Variants in ADGRB3 observed in about 807,000 individuals in gnomAD.
The protein encoded by ADGRB3 is adhesion G protein-coupled receptor B3.
In ADGRB3, 37 loss-of-function variants were observed where a neutral mutation model predicts 193.4. The ratio of observed to expected loss-of-function variants is 0.19; its 90% CI spans 0.15 to 0.25. The LOEUF is 0.25. Ranked by LOEUF, ADGRB3 falls within the 10% of genes least tolerant of loss-of-function variation. The probability of loss-of-function intolerance (pLI) is 1.00; values close to 1 mark genes in which losing one functional copy is unlikely to be tolerated. For synonymous variants in ADGRB3, 690 were observed against 644.2 expected (o/e 1.07, Z -1.08); for missense variants, 1,637 against 1,852.9 (o/e 0.88, Z 2.14).
At chr6:69,150,687 C>CT (rs1440410301) in intron 17 of ADGRB3, among the ~76,000 whole-genome samples, 1 of 152,270 alleles carries the variant, frequency 6.6e-6, no homozygotes, top group East Asian at 1.9e-4. Flanking sequence ...GGAGGCTTTC[C>CT]TTGTACCCAC....
intron 17 of ADGRB3, among the ~76,000 whole-genome samples, chr6:69,126,163 T>G (rs542989762): frequency 6.6e-6 from 1 of 152,266 alleles, no homozygotes; most frequent in African/African-American, 2.4e-5. Context: ...TTCCCTTCCT[T>G]CTTGTATTAG....
chr6:69,098,232 C>G (rs1216593063), intron 17 of ADGRB3, among the ~76,000 whole-genome samples: 1 of 152,212 alleles, frequency 6.6e-6, no homozygotes, highest in Non-Finnish European at 1.5e-5. Flanking sequence ...GCCATTGCAC[C>G]TGGCCCTGTT....
At chr6:69,368,799 C>T (rs1029106235) in intron 29 of ADGRB3, among the ~76,000 whole-genome samples, 1 of 151,962 alleles carries the variant, frequency 6.6e-6, no homozygotes, top group African/African-American at 2.4e-5. Flanking sequence ...AGAAAATTGA[C>T]CTTGGAATTT....
chr6:69,080,414 A>C (rs763304208), intron 17 of ADGRB3, among the ~76,000 whole-genome samples: 3 of 152,072 alleles, frequency 2.0e-5, no homozygotes, highest in Non-Finnish European at 4.4e-5. Flanking sequence ...CTCTGTTCAA[A>C]CTGGGATAGA....
At chr6:69,192,328 G>T (rs1052167050) in intron 17 of ADGRB3, among the ~76,000 whole-genome samples, 4 of 152,120 alleles carry the variant, frequency 2.6e-5, no homozygotes, top group East Asian at 1.9e-4. Context: ...AAAGATGCAG[G>T]CTGGGAGACT....
At chr6:69,187,166 T>A (rs1198107037) in intron 17 of ADGRB3, among the ~76,000 whole-genome samples, 1 of 152,138 alleles carries the variant, frequency 6.6e-6, no homozygotes, top group Non-Finnish European at 1.5e-5. Context: ...TATGTTTGTG[T>A]CCATGGGAGA....
chr6:68,857,382 C>A (rs1322464607), intron 3 of ADGRB3, among the ~76,000 whole-genome samples: 2 of 152,206 alleles, frequency 1.3e-5, no homozygotes, highest in African/African-American at 4.8e-5. Flanking sequence ...CCCTGCAAAA[C>A]CACAGGAGCA....
At chr6:68,663,863 G>A (rs1334209470) in intron 3 of ADGRB3, among the ~76,000 whole-genome samples, 1 of 151,742 alleles carries the variant, frequency 6.6e-6, no homozygotes, top group African/African-American at 2.4e-5. Flanking sequence ...ATTTTAGCGT[G>A]CTACACATTG....
At chr6:69,059,530 C>T (rs955369966) in intron 15 of ADGRB3, among the ~76,000 whole-genome samples, 3 of 152,202 alleles carry the variant, frequency 2.0e-5, no homozygotes, top group South Asian at 2.1e-4. Flanking sequence ...TATATATCAA[C>T]GAGCATAAAT....
chr6:68,778,964 A>G (rs1312380650), intron 3 of ADGRB3, among the ~76,000 whole-genome samples: 2 of 152,058 alleles, frequency 1.3e-5, no homozygotes, highest in Non-Finnish European at 2.9e-5. Flanking sequence ...GCCAATGGTA[A>G]TGCAGCAAAC....
At chr6:69,337,224 T>A (rs764322279) in intron 24 of ADGRB3, among the ~76,000 whole-genome samples, 1 of 152,198 alleles carries the variant, frequency 6.6e-6, no homozygotes, top group Non-Finnish European at 1.5e-5. Context: ...GAAAGACAAC[T>A]GCATCAGTGT....
In ADGRB3 at chr6:69,382,787, A is replaced by G. The variant is rs200326346; in HGVS notation, c.4276-44A>G. On this transcript the variant is annotated intron_variant, in intron 30 of 31. Coordinates refer to ENST00000370598, the MANE Select transcript of ADGRB3 (RefSeq NM_001704.3). ...ATTAAATCTCTCTTGTTTGAAAAACATACATCAAGTTGGGGATGAGAGCTA... is the reference window on the plus strand; with the variant it reads ...ATTAAATCTCTCTTGTTTGAAAAACGTACATCAAGTTGGGGATGAGAGCTA... The G allele has an allele frequency of 1.4e-4, 198 of 1,373,192 alleles. No homozygotes were observed. In the African/African-American group the frequency reaches 2.5e-3, roughly 18 times the overall value. 85.1% of individuals were successfully genotyped at this position (1,373,192 alleles called of 1,614,324 possible). A position where few individuals can be genotyped will look rare whatever the true frequency, so the allele number is the denominator to read the frequency against.
In ADGRB3 at chr6:68,993,870, G is replaced by A. The variant is rs1240660215; in HGVS notation, c.1837G>A (p.Ala613Thr). ...LDLTQRKNFYAGDLLMSVEIL... is the reference protein window; with the variant it reads ...LDLTQRKNFYTGDLLMSVEIL... Reference sequence around the variant, plus strand: ...TTTAACTCAGAGAAAAAATTTCTATGCAGGCGATCTTCTGATGTCTGTGGA... The same window carrying A: ...TTTAACTCAGAGAAAAAATTTCTATACAGGCGATCTTCTGATGTCTGTGGA... Residue 613 changes from alanine to threonine, a missense_variant, in exon 11 of 32, where the codon GCA becomes ACA. Physicochemically the swap from Ala to Thr is moderately conservative, Grantham distance 58. This residue lies in a region of ADGRB3 where 641 missense variants were observed against 673.9 expected (regional missense o/e 0.95). Transcript: ENST00000370598. 4 of 1,613,968 alleles carry A rather than the reference G, an allele frequency of 2.5e-6. No homozygotes were observed. The highest frequency in any genetic ancestry group is 3.4e-6 in the Non-Finnish European group (4 of 1,179,888).
chr6:68,871,094 A>C (rs1765443366), intron 3 of ADGRB3, among the ~76,000 whole-genome samples: 1 of 152,190 alleles, frequency 6.6e-6, no homozygotes, highest in African/African-American at 2.4e-5. Flanking sequence ...ACTAAGGCGG[A>C]TGGAAAAGTC....
At chr6:68,886,171 T>C (rs1358487091) in intron 3 of ADGRB3, among the ~76,000 whole-genome samples, 2 of 152,110 alleles carry the variant, frequency 1.3e-5, no homozygotes, top group Non-Finnish European at 2.9e-5. Context: ...AGTACCTGTA[T>C]CTCCACTGTT....
intron 17 of ADGRB3, among the ~76,000 whole-genome samples, chr6:69,184,771 T>A (rs894783998): frequency 6.6e-5 from 10 of 152,094 alleles, no homozygotes; most frequent in Admixed American, 2.6e-4. Context: ...ATAAAAATGC[T>A]CTGAAAAAAT....
chr6:68,883,713 A>C (rs1434842751), intron 3 of ADGRB3, among the ~76,000 whole-genome samples: 7 of 152,056 alleles, frequency 4.6e-5, no homozygotes, highest in Non-Finnish European at 8.8e-5. Context: ...GAAGGAAGAA[A>C]CTCTGAACAT....
rs1254417385 is a variant in ADGRB3, at chr6:69,360,937, A to AATG, written c.3672_3674dup (p.Asp1224dup). On this transcript the variant is annotated inframe_insertion, in exon 29 of 32. Transcript: ENST00000370598. ...AGGAACACTTTCTAGGATTTCTCTA[A>AATG]ATGATGATGAAGAAGAAAAGGGAAC... 1 of 1,612,496 alleles carries AATG rather than the reference A, an allele frequency of 6.2e-7. No homozygotes were observed. Among genetic ancestry groups the AATG allele is most frequent in the Admixed American group, 1.7e-5 (1 of 59,826 alleles).
intron 13 of ADGRB3, among the ~76,000 whole-genome samples, chr6:69,031,417 G>A (rs149562658): frequency 0.037 from 5,385 of 145,482 alleles, 359 homozygotes; most frequent in African/African-American, 0.13. Context: ...CTCCAGCCTG[G>A]GCGACAGAGC....
Sources: allele counts gnomAD v4.1 joint callset (sites outside exome capture counted in the v4.1 genomes callset), GRCh38; gene constraint gnomAD v4.1.1; regional missense constraint gnomAD v4.1.1; transcripts MANE v1.5; gene names NCBI Gene and HGNC (gene_info 2026-07-23, HGNC 2026-07-21).